Variants in PKNOX2 observed in about 807,000 individuals in gnomAD.
The protein encoded by PKNOX2 is homeobox protein PKNOX2.
A neutral mutation model predicts 53.1 loss-of-function variants in PKNOX2; 14 were observed. The ratio of observed to expected loss-of-function variants is 0.26; its 90% CI spans 0.17 to 0.41. PKNOX2 has a LOEUF of 0.41. Among genes scored for constraint, PKNOX2 ranks in the 10% least tolerant of loss-of-function variants. The pLI, the probability that PKNOX2 is intolerant of heterozygous loss-of-function variation, is 1.00. For synonymous variants in PKNOX2, 257 were observed against 242.8 expected, an observed-to-expected ratio of 1.06 and a Z score of -0.54; for missense variants, 496 against 602.8, an observed-to-expected ratio of 0.82 and a Z score of 1.85.
intron 1 of PKNOX2, 44 bp downstream of exon 1, chr11:125,164,820 G>GGCGGCGGCGGC (rs1158688187): frequency 1.1e-5 from 2 of 178,386 alleles, no homozygotes; most frequent in South Asian, 1.1e-4. Context: ...TTTTGCAGGC[G>GGCGGCGGCGGC]GCGGCGGCGG....
intron 2 of PKNOX2, among the ~76,000 whole-genome samples, chr11:125,308,793 T>C (rs1312098446): frequency 6.6e-6 from 1 of 152,162 alleles, no homozygotes; most frequent in Non-Finnish European, 1.5e-5. Flanking sequence ...CTAGTAGGAC[T>C]CCCTCACATA....
intron 3 of PKNOX2, among the ~76,000 whole-genome samples, chr11:125,345,632 C>T (rs546533966): frequency 3.3e-5 from 5 of 152,244 alleles, no homozygotes; most frequent in South Asian, 2.1e-4. Flanking sequence ...AGGTTGACAC[C>T]GTTATTTCAA....
At chr11:125,364,208 CTGGCTAGAAAAAGAAACCTATT>C in intron 4 of PKNOX2, among the ~76,000 whole-genome samples, 1 of 152,316 alleles carries the variant, frequency 6.6e-6, no homozygotes, top group South Asian at 2.1e-4. Context: ...GTGGATGTCT[CTGGCTAGAAAAAGAAACCTATT>C]TGGGGATAAA....
At chr11:125,331,968 C>T (rs377272401) in intron 3 of PKNOX2, 43 bp downstream of exon 3, 2 of 152,296 alleles carry the variant, frequency 1.3e-5, no homozygotes, top group South Asian at 2.1e-4. Flanking sequence ...GTTACACCCC[C>T]CAAGCAGGAT....
intron 1 of PKNOX2, among the ~76,000 whole-genome samples, chr11:125,204,154 C>A (rs545907116): frequency 1.3e-5 from 2 of 152,278 alleles, no homozygotes; most frequent in Admixed American, 6.5e-5. Flanking sequence ...ACCAGGTGAA[C>A]AGGGTGAGAA....
At chr11:125,349,311 A>T (rs937492218) in intron 3 of PKNOX2, among the ~76,000 whole-genome samples, 1 of 151,648 alleles carries the variant, frequency 6.6e-6, no homozygotes, top group African/African-American at 2.4e-5. Context: ...CCAGACAAAG[A>T]TCCAGCTGTG....
intron 2 of PKNOX2, among the ~76,000 whole-genome samples, chr11:125,263,473 G>A (rs1441855301): frequency 6.6e-6 from 1 of 152,256 alleles, no homozygotes; most frequent in Non-Finnish European, 1.5e-5. Context: ...TGGCATCCCT[G>A]CTGGGGGAGC....
At chr11:125,398,215 A>G (rs1272301931) in intron 7 of PKNOX2, among the ~76,000 whole-genome samples, 153 bp downstream of exon 7, 1 of 152,184 alleles carries the variant, frequency 6.6e-6, no homozygotes, top group South Asian at 2.1e-4. Flanking sequence ...ACTCTTCTTC[A>G]TATCCATTAG....
chr11:125,348,233 G>A (rs761296374), intron 3 of PKNOX2, among the ~76,000 whole-genome samples: 1 of 152,164 alleles, frequency 6.6e-6, no homozygotes, highest in African/African-American at 2.4e-5. Context: ...CTCAGGAACC[G>A]GGGAAGTGCA....
At chr11:125,168,328 G>A (rs972315564) in intron 1 of PKNOX2, among the ~76,000 whole-genome samples, 10 of 152,324 alleles carry the variant, frequency 6.6e-5, no homozygotes, top group African/African-American at 2.2e-4. Context: ...GGCTTTGACC[G>A]CATGTCATAA....
At position 125,295,267 on chromosome 11, in the gene PKNOX2, G is replaced by A. The variant is rs79898205; in HGVS notation, c.-129-36552G>A. The stretch of plus-strand genomic sequence containing the variant: ...CATGAAAAGTTGAAGGAGGGGGAAG[G>A]TATTGGCACAGCTTGAACATGAGAT... On this transcript the variant is annotated intron_variant, in intron 2 of 12. Coordinates refer to ENST00000298282, the MANE Select transcript of PKNOX2 (RefSeq NM_001382323.2). 9.2e-4 allele frequency among the ~76,000 whole-genome samples: 140 copies of A among 152,350 alleles called. 1 individual carries two copies. The highest frequency in any genetic ancestry group is 3.2e-3 in the African/African-American group (132 of 41,576).
intron 6 of PKNOX2, among the ~76,000 whole-genome samples, chr11:125,389,618 G>C (rs553520580): frequency 2.0e-5 from 3 of 152,316 alleles, no homozygotes; most frequent in South Asian, 4.1e-4. Context: ...CCTCTGACTG[G>C]CAGTTGGTAA....
rs775001034 is a variant in PKNOX2 at position 125,351,336 on chromosome 11, C to G, written c.31C>G (p.Leu11Val). 3.7e-6 allele frequency: 6 copies of G among 1,610,210 alleles called. No homozygotes were observed. Among genetic ancestry groups the G allele is most frequent in the South Asian group, 3.3e-5 (3 of 90,426 alleles). MMQHASPAPA[L>V]TMMATQNVPP... ...GCAACATGCCTCCCCAGCCCCCGCT[C>G]TGACGATGATGGCCACGCAGAATGT... is the stretch of plus-strand genomic sequence containing the variant. The change falls in exon 4 of 13, where the codon CTG (leucine) becomes GTG (valine). Residue 11 changes from leucine to valine, a missense_variant. Leu to Val is a conservative substitution (Grantham distance 32). Coordinates refer to ENST00000298282, the MANE Select transcript of PKNOX2 (RefSeq NM_001382323.2).
intron 1 of PKNOX2, among the ~76,000 whole-genome samples, chr11:125,216,738 C>T (rs539479060): frequency 3.9e-5 from 6 of 152,248 alleles, no homozygotes; most frequent in African/African-American, 9.6e-5. Flanking sequence ...TCCTCCCTCC[C>T]TCCTCCCTCC....
At chr11:125,391,769 T>C (rs1367126352) in intron 6 of PKNOX2, among the ~76,000 whole-genome samples, 1 of 152,168 alleles carries the variant, frequency 6.6e-6, no homozygotes, top group East Asian at 1.9e-4. Flanking sequence ...AAAAGAGGGC[T>C]GAATCATTAT....
intron 5 of PKNOX2, among the ~76,000 whole-genome samples, chr11:125,379,058 T>C (rs1386990382): frequency 2.1e-5 from 3 of 143,368 alleles, no homozygotes; most frequent in Non-Finnish European, 4.5e-5. Flanking sequence ...TCTTTCTCTT[T>C]TTTTTTTTTT....
intron 1 of PKNOX2, among the ~76,000 whole-genome samples, chr11:125,187,614 G>A (rs1956534927): frequency 6.6e-6 from 1 of 151,736 alleles, no homozygotes; most frequent in Non-Finnish European, 1.5e-5. Flanking sequence ...TGTCATCTAT[G>A]AGTAGAAACA....
At chr11:125,363,558 C>G (rs1952032555) in intron 4 of PKNOX2, among the ~76,000 whole-genome samples, 1 of 152,200 alleles carries the variant, frequency 6.6e-6, no homozygotes, top group South Asian at 2.1e-4. Flanking sequence ...GCCTTAGCTT[C>G]CCCTGGTTGA....
chr11:125,262,468 A>G (rs2135739971), intron 2 of PKNOX2, among the ~76,000 whole-genome samples: 1 of 151,506 alleles, frequency 6.6e-6, no homozygotes, highest in East Asian at 1.9e-4. Context: ...GAAGTGCCAC[A>G]TCACGGTGGG....
Sources: allele counts gnomAD v4.1 joint callset (sites outside exome capture counted in the v4.1 genomes callset), GRCh38; gene constraint gnomAD v4.1.1; transcripts MANE v1.5; gene names NCBI Gene and HGNC (gene_info 2026-07-23, HGNC 2026-07-21).